Variants in DSCAM observed in about 807,000 individuals in gnomAD.
DSCAM encodes the protein cell adhesion molecule DSCAM.
A neutral mutation model predicts 217.7 loss-of-function variants in DSCAM; 47 were observed. That is an observed-to-expected ratio of 0.22 (90% confidence interval 0.17 to 0.28). The LOEUF (loss-of-function observed/expected upper bound fraction) is 0.28. Ranked by LOEUF, DSCAM falls within the 10% of genes least tolerant of loss-of-function variation. The probability of loss-of-function intolerance (pLI) is 1.00; values close to 1 mark genes in which losing one functional copy is unlikely to be tolerated. For synonymous variants in DSCAM, 1,056 were observed against 1,015.3 expected (o/e 1.04, Z -0.76); for missense variants, 2,080 against 2,618.3 (o/e 0.79, Z 4.49).
chr21:40,713,287 C>T (rs73360420), intron 1 of DSCAM, among the ~76,000 whole-genome samples: 5,738 of 152,186 alleles, frequency 0.038, 372 homozygotes, highest in African/African-American at 0.13. Flanking sequence ...GGGCCAAAGG[C>T]TTCAATTATA....
chr21:40,169,227 G>A (rs1183477872), intron 15 of DSCAM, among the ~76,000 whole-genome samples: 1 of 152,110 alleles, frequency 6.6e-6, no homozygotes, highest in Non-Finnish European at 1.5e-5. Flanking sequence ...AGCCAGGTGA[G>A]GGCAGACACA....
At chr21:40,166,191 C>T (rs1414840895) in intron 16 of DSCAM, among the ~76,000 whole-genome samples, 2 of 152,008 alleles carry the variant, frequency 1.3e-5, no homozygotes, top group African/African-American at 4.8e-5. Context: ...AACAAACAAA[C>T]AGATGCAATG....
chr21:40,812,898 C>T (rs944751702), intron 1 of DSCAM, among the ~76,000 whole-genome samples: 4 of 152,150 alleles, frequency 2.6e-5, no homozygotes, highest in African/African-American at 9.7e-5. Flanking sequence ...AGATTGTGGT[C>T]ACCAGTGTTG....
Position 40,430,835 on chromosome 21 carries a change from G to A in DSCAM, c.509-61590C>T, listed in dbSNP as rs187816755. On this transcript the variant is annotated intron_variant, in intron 3 of 32. Coordinates refer to ENST00000400454, the MANE Select transcript of DSCAM (RefSeq NM_001389.5). Reference sequence around the variant, plus strand: ...GAAAGTCAAATGAGATACCGTGTGCGACGCACTTGAGGCAGAACACACAGC... The same window carrying A: ...GAAAGTCAAATGAGATACCGTGTGCAACGCACTTGAGGCAGAACACACAGC... Among the ~76,000 whole-genome samples, 859 of 152,288 alleles carry A rather than the reference G, an allele frequency of 5.6e-3. 8 individuals carry two copies. Among genetic ancestry groups the A allele is most frequent in the Non-Finnish European group, 6.7e-3 (458 of 68,034 alleles).
chr21:40,575,155 A>G (rs2076839074), intron 3 of DSCAM, among the ~76,000 whole-genome samples: 1 of 151,964 alleles, frequency 6.6e-6, no homozygotes, highest in Non-Finnish European at 1.5e-5. Context: ...ACCTTGTGAA[A>G]TTCCTTCTCC....
At chr21:40,680,247 C>G (rs1276190286) in intron 3 of DSCAM, among the ~76,000 whole-genome samples, 1 of 152,156 alleles carries the variant, frequency 6.6e-6, no homozygotes, top group East Asian at 1.9e-4. Flanking sequence ...TGGCTTCAGG[C>G]TCCACACTAT....
intron 2 of DSCAM, among the ~76,000 whole-genome samples, chr21:40,701,235 T>G (rs1290064965): frequency 6.6e-6 from 1 of 152,210 alleles, no homozygotes; most frequent in Non-Finnish European, 1.5e-5. Context: ...CATCTACTTT[T>G]CTTAATGTTC....
At position 40,163,624 on chromosome 21, in the gene DSCAM, C is replaced by G. The variant is rs148518579; in HGVS notation, c.3018+3594G>C. Among the ~76,000 whole-genome samples, 585 of 152,116 alleles carry G rather than the reference C, an allele frequency of 3.8e-3. 5 individuals carry two copies. Among genetic ancestry groups the G allele is most frequent in the African/African-American group, 0.014 (566 of 41,534 alleles). ...AAAGATATTCCTCTTGAATATCTTT[C>G]TATGGGCTTATATTTGGGATGTGAA... On this transcript the variant is annotated intron_variant, in intron 16 of 32. Transcript: ENST00000400454.
At chr21:40,722,983 C>T (rs1360994578) in intron 1 of DSCAM, among the ~76,000 whole-genome samples, 3 of 151,902 alleles carry the variant, frequency 2.0e-5, no homozygotes, top group Non-Finnish European at 4.4e-5. Context: ...TCCTAAATGT[C>T]TATGTACCTA....
intron 3 of DSCAM, among the ~76,000 whole-genome samples, chr21:40,637,872 T>C (rs1347826863): frequency 6.6e-6 from 1 of 151,244 alleles, no homozygotes; most frequent in Non-Finnish European, 1.5e-5. Flanking sequence ...CCCGTAGAGA[T>C]GGGGTTTCAC....
intron 1 of DSCAM, among the ~76,000 whole-genome samples, chr21:40,824,578 T>G (rs1169884498): frequency 6.6e-6 from 1 of 152,024 alleles, no homozygotes; most frequent in African/African-American, 2.4e-5. Flanking sequence ...CCCAGCTTAC[T>G]TTTTAAAAAA....
intron 4 of DSCAM, among the ~76,000 whole-genome samples, chr21:40,366,677 T>C (rs961147483): frequency 2.0e-5 from 3 of 152,188 alleles, no homozygotes; most frequent in Admixed American, 2.0e-4. Context: ...TTTGTTTCAT[T>C]TTACAATAAG....
chr21:40,114,585 C>T (rs1433600169), intron 20 of DSCAM, among the ~76,000 whole-genome samples: 1 of 152,122 alleles, frequency 6.6e-6, no homozygotes, highest in African/African-American at 2.4e-5. Flanking sequence ...AACTAAAGAG[C>T]TTCTGCACAG....
intron 9 of DSCAM, among the ~76,000 whole-genome samples, chr21:40,298,212 C>T (rs2073976641): frequency 6.6e-6 from 1 of 151,584 alleles, no homozygotes; most frequent in South Asian, 2.1e-4. Context: ...TCCTGAGTAG[C>T]TGGGATTACA....
intron 2 of DSCAM, among the ~76,000 whole-genome samples, chr21:40,703,047 TTAGA>T (rs763511951): frequency 2.0e-5 from 3 of 152,214 alleles, no homozygotes; most frequent in Non-Finnish European, 4.4e-5. Context: ...AAAATCTGAT[TTAGA>T]TACTCATGTA....
At chr21:40,756,220 C>A (rs747906161) in intron 1 of DSCAM, among the ~76,000 whole-genome samples, 5 of 152,154 alleles carry the variant, frequency 3.3e-5, no homozygotes, top group Non-Finnish European at 7.4e-5. Flanking sequence ...CACCTCCCCC[C>A]TCTCTTCCTC....
At chr21:40,845,540 C>CCTCTCTCTCT (rs71332310) in intron 1 of DSCAM, among the ~76,000 whole-genome samples, 2,375 of 138,912 alleles carry the variant, frequency 0.017, 40 homozygotes, top group South Asian at 0.036. Context: ...CTCTTCTTCT[C>CCTCTCTCTCT]CTCTCTCTCT....
At chr21:40,654,451 A>G (rs2090050720) in intron 3 of DSCAM, among the ~76,000 whole-genome samples, 1 of 152,212 alleles carries the variant, frequency 6.6e-6, no homozygotes, top group South Asian at 2.1e-4. Flanking sequence ...CTAAATTTTT[A>G]CAGCTGCGGT....
At chr21:40,471,876 G>T (rs1156510053) in intron 3 of DSCAM, among the ~76,000 whole-genome samples, 1 of 152,148 alleles carries the variant, frequency 6.6e-6, no homozygotes, top group Non-Finnish European at 1.5e-5. Context: ...CATGTGCCAT[G>T]TTGGTGTGCT....
Sources: gnomAD v4.1 joint callset for allele counts (sites outside exome capture counted in the v4.1 genomes callset) on GRCh38, gnomAD v4.1.1 for gene constraint, MANE v1.5 for transcripts, NCBI Gene and HGNC (gene_info 2026-07-23, HGNC 2026-07-21) for gene names.